PIK3AP1: variants seen among roughly 807,000 people sequenced by gnomAD.
The protein encoded by PIK3AP1 is phosphoinositide-3-kinase adaptor protein 1, also known as phosphoinositide 3-kinase adapter protein 1.
PIK3AP1 carries 21 observed loss-of-function variants against 88.1 expected under a neutral mutation model. That is an observed-to-expected ratio of 0.24 (90% confidence interval 0.17 to 0.34). The LOEUF (loss-of-function observed/expected upper bound fraction) is 0.34. PIK3AP1 is among the 10% of genes least tolerant of loss of function. PIK3AP1 has a pLI of 1.00. For missense variants in PIK3AP1, 828 were observed against 1,035.7 expected (o/e 0.80, Z 2.75); for synonymous variants, 398 against 400.0 (o/e 1.00, Z 0.06).
At chr10:96,629,936 G>GAAA (rs1843222262) in intron 8 of PIK3AP1, among the ~76,000 whole-genome samples, 7 of 46,552 alleles carry the variant, frequency 1.5e-4, no homozygotes, top group South Asian at 8.1e-4. Flanking sequence ...AAAAAAAGAA[G>GAAA]AAGAAGAAGA....
intron 11 of PIK3AP1, among the ~76,000 whole-genome samples, chr10:96,622,525 T>C (rs1187428418): frequency 6.6e-6 from 1 of 152,226 alleles, no homozygotes; most frequent in Non-Finnish European, 1.5e-5. Flanking sequence ...GACGTTTATC[T>C]ATCATTCTGC....
intron 8 of PIK3AP1, among the ~76,000 whole-genome samples, chr10:96,640,972 G>C (rs1843378468): frequency 6.6e-6 from 1 of 152,050 alleles, no homozygotes. Context: ...TGATCTGTGG[G>C]GCCTTGATCA....
intron 4 of PIK3AP1, 143 bp from the exon 5 acceptor site, chr10:96,651,794 G>T: frequency 2.1e-6 from 2 of 957,098 alleles, no homozygotes; most frequent in Non-Finnish European, 1.5e-6. Flanking sequence ...GAGCTGGGGC[G>T]GGAGTGAGGG....
rs139810420 is a variant in PIK3AP1, at chr10:96,707,871, C to G, written c.430+1696G>C. On this transcript the variant is annotated intron_variant, in intron 2 of 16. Coordinates refer to ENST00000339364, the MANE Select transcript of PIK3AP1 (RefSeq NM_152309.3). ...TCTTTCTAACGTAAAGATAAGCAAA[C>G]TCTAGAAAAAGTACTAATCCAGGTC... Among the ~76,000 whole-genome samples, 631 of 152,254 alleles carry G rather than the reference C, an allele frequency of 4.1e-3. 3 individuals carry two copies. The highest frequency in any genetic ancestry group is 0.014 in the African/African-American group (599 of 41,546).
chr10:96,696,963 G>C (rs1844229671), intron 2 of PIK3AP1, among the ~76,000 whole-genome samples: 1 of 152,190 alleles, frequency 6.6e-6, no homozygotes, highest in South Asian at 2.1e-4. Flanking sequence ...AAATTTCATG[G>C]TTGTAAATGT....
chr10:96,677,921 A>G (rs186528069), intron 2 of PIK3AP1, among the ~76,000 whole-genome samples: 1 of 152,330 alleles, frequency 6.6e-6, no homozygotes, highest in Non-Finnish European at 1.5e-5. Flanking sequence ...GAAATTGTGT[A>G]GCTTTTAGAA....
At chr10:96,658,925 C>T (rs186559256) in intron 2 of PIK3AP1, among the ~76,000 whole-genome samples, 1 of 151,888 alleles carries the variant, frequency 6.6e-6, no homozygotes, top group East Asian at 1.9e-4. Context: ...GCTCTCCCCT[C>T]AATCCCTGCA....
At chr10:96,682,757 C>T (rs1844020139) in intron 2 of PIK3AP1, among the ~76,000 whole-genome samples, 1 of 152,208 alleles carries the variant, frequency 6.6e-6, no homozygotes, top group Non-Finnish European at 1.5e-5. Flanking sequence ...CTGAAATTTA[C>T]ATTCAATCAT....
At chr10:96,633,460 G>A (rs1843273294) in intron 8 of PIK3AP1, among the ~76,000 whole-genome samples, 2 of 152,186 alleles carry the variant, frequency 1.3e-5, no homozygotes, top group Admixed American at 1.3e-4. Flanking sequence ...GATAGTAATA[G>A]TACGTATCTC....
intron 3 of PIK3AP1, among the ~76,000 whole-genome samples, chr10:96,654,016 G>T (rs1564972022): frequency 6.6e-6 from 1 of 152,122 alleles, no homozygotes; most frequent in Non-Finnish European, 1.5e-5. Context: ...GCCCCTCCTG[G>T]CCCCACTGAG....
chr10:96,716,696 G>A (rs1244376251), intron 1 of PIK3AP1, among the ~76,000 whole-genome samples: 1 of 152,114 alleles, frequency 6.6e-6, no homozygotes, highest in Non-Finnish European at 1.5e-5. Context: ...TTAACCATAA[G>A]TAGCTTTTCC....
intron 8 of PIK3AP1, among the ~76,000 whole-genome samples, chr10:96,637,314 T>TCACTCACACACACACACA (rs35300133): frequency 1.7e-4 from 22 of 127,998 alleles, no homozygotes; most frequent in Non-Finnish European, 3.1e-4. Context: ...AGATATACAA[T>TCACTCACACACACACACA]CACACACACA....
chr10:96,616,928 A>T (rs7896485), intron 12 of PIK3AP1, among the ~76,000 whole-genome samples: 2,902 of 152,256 alleles, frequency 0.019, 89 homozygotes, highest in African/African-American at 0.064. Flanking sequence ...CTTCCACAAG[A>T]AAGTGTCTTT....
In PIK3AP1 at chr10:96,595,405, TTAA is replaced by T. The variant is rs1268058227; in HGVS notation, c.*169_*171del. The T allele has an allele frequency of 3.0e-6, 2 of 667,046 alleles. No homozygotes were observed. Among genetic ancestry groups the T allele is most frequent in the Non-Finnish European group, 5.1e-6 (2 of 389,262 alleles). 41.3% of individuals were successfully genotyped at this position (667,046 alleles called of 1,614,324 possible). On this transcript the variant is annotated 3_prime_UTR_variant, in exon 17 of 17. Coordinates refer to ENST00000339364, the MANE Select transcript of PIK3AP1 (RefSeq NM_152309.3). ...CCTTAGTTTTTCACTTCTTCGTGCC[TTAA>T]TAAAATCTTCGAGGCAAGCCCAAAC...
At position 96,631,881 on chromosome 10, in the gene PIK3AP1, C is replaced by CCAG. The variant is rs768760964; in HGVS notation, c.1376-3389_1376-3388insCTG. Among the ~76,000 whole-genome samples the CCAG allele has an allele frequency of 8.1e-3, 1,231 of 151,936 alleles. 8 individuals carry two copies. Among genetic ancestry groups the CCAG allele is most frequent in the Non-Finnish European group, 0.012 (826 of 67,950 alleles). On this transcript the variant is annotated intron_variant, in intron 8 of 16. Transcript: ENST00000339364. ...CCTGGGTGACAGAGCAAGACTCTGT[C>CCAG]TCAAAAAACAAAACAAAACAAAAAT...
At chr10:96,597,648 A>G (rs1848801770) in intron 16 of PIK3AP1, among the ~76,000 whole-genome samples, 1 of 152,190 alleles carries the variant, frequency 6.6e-6, no homozygotes, top group Non-Finnish European at 1.5e-5. Context: ...CTCATCTGCC[A>G]AACAGAGGTA....
rs145394725 is a variant in PIK3AP1, at chr10:96,624,631, C to G, written c.1670-1094G>C. Reference sequence around the variant, plus strand: ...TTGCTTGAGCACAGGAGTTCAAGACCAGCCTGGGCAACACAGCAAGACCCT... The same window carrying G: ...TTGCTTGAGCACAGGAGTTCAAGACGAGCCTGGGCAACACAGCAAGACCCT... On this transcript the variant is annotated intron_variant, in intron 10 of 16. Coordinates refer to ENST00000339364, the MANE Select transcript of PIK3AP1 (RefSeq NM_152309.3). 5.0e-3 allele frequency among the ~76,000 whole-genome samples: 751 copies of G among 150,390 alleles called. 3 individuals carry two copies. Among genetic ancestry groups the G allele is most frequent in the Non-Finnish European group, 8.0e-3 (544 of 67,642 alleles).
At chr10:96,671,063 C>G (rs911776894) in intron 2 of PIK3AP1, among the ~76,000 whole-genome samples, 13 of 152,220 alleles carry the variant, frequency 8.5e-5, no homozygotes, top group African/African-American at 2.9e-4. Context: ...ATAAACATGT[C>G]TCTTGTTTAC....
chr10:96,648,438 T>C (rs951992933), intron 7 of PIK3AP1, among the ~76,000 whole-genome samples: 15 of 152,224 alleles, frequency 9.9e-5, no homozygotes, highest in Non-Finnish European at 7.3e-5. Context: ...GATACGTGAC[T>C]TACCCAACGT....
Sources: gnomAD v4.1 joint callset for allele counts (sites outside exome capture counted in the v4.1 genomes callset) on GRCh38, gnomAD v4.1.1 for gene constraint, MANE v1.5 for transcripts, NCBI Gene and HGNC (gene_info 2026-07-23, HGNC 2026-07-21) for gene names.